The following DAB1 variants were observed in gnomAD, a reference collection of about 807,000 sequenced individuals.
DAB1 encodes disabled homolog 1.
Under a neutral mutation model 64.6 loss-of-function variants are expected in DAB1, and 15 were observed. That is an observed-to-expected ratio of 0.23 (90% CI 0.16 to 0.36). DAB1 has a LOEUF of 0.36. Ranked by LOEUF, DAB1 falls within the 10% of genes least tolerant of loss-of-function variation. The probability of loss-of-function intolerance (pLI) is 1.00; values close to 1 mark genes in which losing one functional copy is unlikely to be tolerated. For synonymous variants in DAB1, 235 were observed against 251.9 expected (o/e 0.93, Z 0.64); for missense variants, 596 against 706.7 (o/e 0.84, Z 1.78).
chr1:57,583,662 C>T (rs1484841324), intron 7 of DAB1, among the ~76,000 whole-genome samples: 1 of 152,166 alleles, frequency 6.6e-6, no homozygotes, highest in African/African-American at 2.4e-5. Flanking sequence ...TTCAGCTTAG[C>T]AGTGATGTTT....
intron 14 of DAB1, among the ~76,000 whole-genome samples, chr1:57,008,342 G>C (rs552223315): frequency 6.6e-6 from 1 of 152,182 alleles, no homozygotes; most frequent in East Asian, 1.9e-4. Flanking sequence ...CCCAACCAAT[G>C]GTCTTATACA....
intron 9 of DAB1, among the ~76,000 whole-genome samples, chr1:57,038,810 A>G (rs111769472): frequency 2.0e-5 from 3 of 152,158 alleles, no homozygotes; most frequent in African/African-American, 7.2e-5. Flanking sequence ...TTCTTTCTTA[A>G]TATGCAAGGG....
chr1:58,393,612 A>G (rs338931), intron 3 of DAB1, among the ~76,000 whole-genome samples: 53,758 of 152,084 alleles, frequency 0.35, 10,559 homozygotes, highest in African/African-American at 0.54. Context: ...CATCATGAAG[A>G]ACTTACTTTG....
chr1:57,523,181 C>G (rs1310140329), intron 7 of DAB1, among the ~76,000 whole-genome samples: 1 of 152,184 alleles, frequency 6.6e-6, no homozygotes, highest in African/African-American at 2.4e-5. Context: ...AATACACCCC[C>G]CTTCCCTGTC....
intron 4 of DAB1, among the ~76,000 whole-genome samples, chr1:58,183,512 G>A (rs897657673): frequency 7.9e-5 from 12 of 152,054 alleles, no homozygotes; most frequent in African/African-American, 2.9e-4. Context: ...CTTGTGACTT[G>A]CAACCAGTAT....
chr1:57,055,176 C>A (rs1203451192), intron 9 of DAB1, among the ~76,000 whole-genome samples: 1 of 152,118 alleles, frequency 6.6e-6, no homozygotes, highest in Admixed American at 6.5e-5. Context: ...GAAGTTAGTC[C>A]CTGTGCCAAG....
chr1:58,106,751 C>A (rs2406589), intron 5 of DAB1, among the ~76,000 whole-genome samples: 25,528 of 151,948 alleles, frequency 0.17, 2,900 homozygotes, highest in East Asian at 0.44. Context: ...CTTATGAATT[C>A]TTTTCTCTAT....
intron 2 of DAB1, among the ~76,000 whole-genome samples, chr1:58,516,476 T>C (rs575097732): frequency 5.0e-4 from 76 of 152,356 alleles, no homozygotes; most frequent in Non-Finnish European, 8.7e-4. Context: ...TTAATTTACA[T>C]GTTGGTCTTA....
chr1:57,037,447 G>C (rs922054066), intron 9 of DAB1, among the ~76,000 whole-genome samples: 5 of 152,188 alleles, frequency 3.3e-5, no homozygotes, highest in Non-Finnish European at 7.3e-5. Context: ...ACCACACAAG[G>C]CTTCTAGATC....
intron 2 of DAB1, among the ~76,000 whole-genome samples, chr1:57,224,904 T>C (rs889130307): frequency 6.6e-6 from 1 of 152,168 alleles, no homozygotes; most frequent in Non-Finnish European, 1.5e-5. Context: ...AGTTCAATCA[T>C]GTGGTCAAAA....
At chr1:57,683,738 C>T (rs1379349906) in intron 6 of DAB1, among the ~76,000 whole-genome samples, 6 of 152,156 alleles carry the variant, frequency 3.9e-5, no homozygotes, top group African/African-American at 1.2e-4. Flanking sequence ...CTCCTTACCT[C>T]CAAATGAGGC....
chr1:57,631,124 G>T (rs1379470571), intron 7 of DAB1, among the ~76,000 whole-genome samples: 1 of 152,136 alleles, frequency 6.6e-6, no homozygotes, highest in Non-Finnish European at 1.5e-5. Flanking sequence ...TTTGGTGGGG[G>T]TGGGCAGGAA....
chr1:58,330,315 C>A (rs80003414), intron 4 of DAB1, among the ~76,000 whole-genome samples: 20,642 of 152,204 alleles, frequency 0.14, 1,589 homozygotes, highest in South Asian at 0.28. Context: ...AGTAACGAAG[C>A]TGCAGAAGAA....
At chr1:57,636,096 C>CAAAAAAAAAAAAAAAA (rs61007751) in intron 7 of DAB1, among the ~76,000 whole-genome samples, 11 of 64,990 alleles carry the variant, frequency 1.7e-4, no homozygotes, top group African/African-American at 5.7e-4. Context: ...GACACGGTCT[C>CAAAAAAAAAAAAAAAA]AAAAAAAAAA....
intron 4 of DAB1, among the ~76,000 whole-genome samples, chr1:57,099,406 T>C (rs936278610): frequency 6.6e-6 from 1 of 152,208 alleles, no homozygotes; most frequent in African/African-American, 2.4e-5. Flanking sequence ...GCTGTAGGGG[T>C]AGCAGTAAGT....
chr1:57,003,497 T>G (rs1645949269), intron 14 of DAB1, among the ~76,000 whole-genome samples: 1 of 152,172 alleles, frequency 6.6e-6, no homozygotes, highest in Non-Finnish European at 1.5e-5. Context: ...ATACTGCTTT[T>G]TTTTTTTAAT....
intron 7 of DAB1, among the ~76,000 whole-genome samples, chr1:57,506,104 G>C (rs960030462): frequency 6.6e-6 from 1 of 152,196 alleles, no homozygotes; most frequent in Non-Finnish European, 1.5e-5. Context: ...CTTATACTTA[G>C]GGGAAGCCCT....
chr1:57,479,064 C>T (rs1172834278), intron 7 of DAB1, among the ~76,000 whole-genome samples: 1 of 151,860 alleles, frequency 6.6e-6, no homozygotes, highest in Non-Finnish European at 1.5e-5. Flanking sequence ...CTGTGATTAA[C>T]ACATGCATTT....
chr1:57,277,916 C>T (rs995382280), intron 2 of DAB1, among the ~76,000 whole-genome samples: 1 of 152,156 alleles, frequency 6.6e-6, no homozygotes, highest in Non-Finnish European at 1.5e-5. Context: ...AATTAGAATG[C>T]AAGTTCTCCC....
Sources: gnomAD v4.1 joint callset for allele counts (sites outside exome capture counted in the v4.1 genomes callset) on GRCh38, gnomAD v4.1.1 for gene constraint, MANE v1.5 for transcripts, NCBI Gene and HGNC (gene_info 2026-07-23, HGNC 2026-07-21) for gene names.